NUCB2: variants seen among roughly 807,000 people sequenced by gnomAD.
The protein encoded by NUCB2 is nucleobindin-2.
In NUCB2, 48 loss-of-function variants were observed where a neutral mutation model predicts 57.9. That is an observed-to-expected ratio of 0.83 (90% CI 0.66 to 1.05). NUCB2 has a LOEUF of 1.05. NUCB2 is among the 50% of genes least tolerant of loss of function. The probability of loss-of-function intolerance (pLI) is 0.00; values close to 1 mark genes in which losing one functional copy is unlikely to be tolerated. For missense variants in NUCB2, 442 were observed against 476.2 expected (o/e 0.93, Z 0.67); for synonymous variants, 139 against 152.1 (o/e 0.91, Z 0.64).
intron 11 of NUCB2, among the ~76,000 whole-genome samples, chr11:17,318,924 C>A (rs1198092784): frequency 1.3e-5 from 2 of 152,078 alleles, no homozygotes; most frequent in Non-Finnish European, 2.9e-5. Flanking sequence ...TACCTGTAGG[C>A]CCAGCTACTT....
chr11:17,328,967 C>A (rs763284712), intron 11 of NUCB2, among the ~76,000 whole-genome samples: 1 of 152,140 alleles, frequency 6.6e-6, no homozygotes, highest in Non-Finnish European at 1.5e-5. Context: ...TGGGTCTTGC[C>A]GCTGATTATT....
At position 17,276,855 on chromosome 11, in the gene NUCB2, G is replaced by A. The variant is rs1257136654; in HGVS notation, c.-156+27G>A. On this transcript the variant is annotated intron_variant, in intron 1 of 13. Transcript: ENST00000529010. ...TAAGGCCGGTGGCCGCGCGGTAGGT[G>A]CGGAGCAGCGCGGCGGGAGATTAGG... The A allele has an allele frequency of 2.0e-5, 3 of 152,450 alleles. No homozygotes were observed. The East Asian group carries it at 5.8e-4, about 29-fold the overall frequency. 9.4% of individuals were successfully genotyped at this position (152,450 alleles called of 1,614,324 possible).
intron 11 of NUCB2, among the ~76,000 whole-genome samples, chr11:17,328,681 C>T (rs1408245053): frequency 6.6e-6 from 1 of 152,094 alleles, no homozygotes; most frequent in Non-Finnish European, 1.5e-5. Flanking sequence ...TGCTGCCAGG[C>T]CTTTACCCTT....
In NUCB2 at chr11:17,342,430, G is replaced by T. The variant is rs1309363863; in HGVS notation, n.2626+4896G>T. Among the ~76,000 whole-genome samples, 17 of 151,992 alleles carry T rather than the reference G, an allele frequency of 1.1e-4. No homozygotes were observed. In the East Asian group the frequency reaches 2.7e-3, roughly 24 times the overall value. On this transcript the variant is annotated intron_variant and non_coding_transcript_variant, in intron 2 of 2. Coordinates refer to the NUCB2 transcript ENST00000532240. ...AGGGTGTCAATTTTAGATCTTTCCTGCTTTCTCTTGTGGGCATTTAGTGCT... is the reference window on the plus strand; with the variant it reads ...AGGGTGTCAATTTTAGATCTTTCCTTCTTTCTCTTGTGGGCATTTAGTGCT...
At chr11:17,304,196 A>T (rs976439158) in intron 5 of NUCB2, among the ~76,000 whole-genome samples, 1 of 151,568 alleles carries the variant, frequency 6.6e-6, no homozygotes, top group Non-Finnish European at 1.5e-5. Flanking sequence ...TTTTAATTTT[A>T]ATTTTTTTTT....
chr11:17,292,012 C>A (rs781203662), intron 2 of NUCB2, among the ~76,000 whole-genome samples: 1 of 152,020 alleles, frequency 6.6e-6, no homozygotes, highest in Non-Finnish European at 1.5e-5. Context: ...TGAATACAAG[C>A]AGCTTTTCTT....
At chr11:17,319,593 T>G (rs764303872) in intron 11 of NUCB2, among the ~76,000 whole-genome samples, 3 of 152,198 alleles carry the variant, frequency 2.0e-5, no homozygotes, top group Non-Finnish European at 4.4e-5. Flanking sequence ...CACACATACA[T>G]GCACACATAC....
chr11:17,312,781 G>A (rs190629662), intron 10 of NUCB2, among the ~76,000 whole-genome samples: 8 of 150,760 alleles, frequency 5.3e-5, no homozygotes, highest in Admixed American at 2.6e-4. Context: ...ATCTTGGCTC[G>A]CTGCAACCTC....
In NUCB2 at chr11:17,330,913, G is replaced by T; in HGVS notation, c.1185G>T (p.Gln395His). The change falls in exon 13 of 14, where the codon CAG becomes CAT. Residue 395 changes from glutamine to histidine, a missense_variant. Coordinates refer to ENST00000529010, the MANE Select transcript of NUCB2 (RefSeq NM_005013.4). This position sits in a 1 kb window ranked among gnomAD's most constrained non-coding sequence, Gnocchi z 4.3. ...TTTCCATTCACCAGGTCATACAGCA[G>T]ATGGAACAAAAAAAATTACAACAAG... is the stretch of plus-strand genomic sequence containing the variant. Reference protein sequence around the residue: ...QKLEYHQVIQQMEQKKLQQGI... With the variant: ...QKLEYHQVIQHMEQKKLQQGI... 1.3e-6 allele frequency: 2 copies of T among 1,599,328 alleles called. No homozygotes were observed. The highest frequency in any genetic ancestry group is 2.2e-5 in the South Asian group (2 of 90,506).
intron 2 of NUCB2, among the ~76,000 whole-genome samples, chr11:17,291,691 A>G (rs896513586): frequency 6.6e-6 from 1 of 152,110 alleles, no homozygotes; most frequent in Non-Finnish European, 1.5e-5. Context: ...AAGTCTGACA[A>G]TCTCTAAACC....
chr11:17,292,384 G>A (rs1945086301), intron 2 of NUCB2, among the ~76,000 whole-genome samples: 1 of 152,088 alleles, frequency 6.6e-6, no homozygotes, highest in African/African-American at 2.4e-5. Flanking sequence ...CTGTCTCATT[G>A]TAGGTGAGGT....
chr11:17,308,835 G>A (rs1591421835), intron 5 of NUCB2, among the ~76,000 whole-genome samples: 1 of 152,044 alleles, frequency 6.6e-6, no homozygotes, highest in Non-Finnish European at 1.5e-5. Flanking sequence ...ATCCATTGGA[G>A]CAATATACAA....
At chr11:17,292,322 A>C (rs1349197533) in intron 2 of NUCB2, among the ~76,000 whole-genome samples, 1 of 151,758 alleles carries the variant, frequency 6.6e-6, no homozygotes, top group Admixed American at 6.6e-5. Context: ...CTTTTTTCCC[A>C]CTTTCTATTT....
downstream of NUCB2, chr11:17,333,670 C>G (rs547668941): frequency 6.6e-6 from 1 of 152,300 alleles, no homozygotes; most frequent in African/African-American, 2.4e-5. Context: ...CTGATCTCTT[C>G]CCCTAGGATG....
chr11:17,299,855 G>T (rs1488627821), intron 4 of NUCB2, among the ~76,000 whole-genome samples: 1 of 152,070 alleles, frequency 6.6e-6, no homozygotes, highest in African/African-American at 2.4e-5. Context: ...AGTGAGCCAT[G>T]ATCATGCTAC....
In NUCB2 at chr11:17,332,188, C is replaced by G. The variant is rs754138836; in HGVS notation, c.*769C>G. On this transcript the variant is annotated 3_prime_UTR_variant, in exon 14 of 14. Coordinates refer to ENST00000529010, the MANE Select transcript of NUCB2 (RefSeq NM_005013.4). ...TTTTATCCTCAGATTACCTCACTCTCACTGTTCAAGTTTGCTCCTGGAGGC... is the reference window on the plus strand; with the variant it reads ...TTTTATCCTCAGATTACCTCACTCTGACTGTTCAAGTTTGCTCCTGGAGGC... The G allele has an allele frequency of 1.3e-5, 2 of 152,108 alleles. No homozygotes were observed. Among genetic ancestry groups the G allele is most frequent in the Non-Finnish European group, 2.9e-5 (2 of 68,040 alleles). The allele number at this position is 152,108 out of a possible 1,614,324, so 9.4% of individuals were successfully genotyped here.
chr11:17,332,404 A>G (rs1951486122), downstream of NUCB2: 1 of 151,708 alleles, frequency 6.6e-6, no homozygotes, highest in Admixed American at 6.6e-5. Flanking sequence ...TTCTTTTACT[A>G]AGGAAGAAGG....
At chr11:17,337,002 G>A (rs1475681445), downstream of NUCB2, among the ~76,000 whole-genome samples, 1 of 151,776 alleles carries the variant, frequency 6.6e-6, no homozygotes, top group Admixed American at 6.6e-5. Flanking sequence ...GTACAGTGGT[G>A]CCATCATAAC....
chr11:17,344,833 G>A (rs1952586992), intron 2 of NUCB2, among the ~76,000 whole-genome samples: 1 of 152,168 alleles, frequency 6.6e-6, no homozygotes, highest in African/African-American at 2.4e-5. Context: ...TTCTGCTATG[G>A]CTCTGGTGAC....
Sources: gnomAD v4.1 joint callset for allele counts (sites outside exome capture counted in the v4.1 genomes callset) on GRCh38, gnomAD v4.1.1 for gene constraint, Gnocchi (gnomAD v3.1) non-coding constraint, MANE v1.5 for transcripts, NCBI Gene and HGNC (gene_info 2026-07-23, HGNC 2026-07-21) for gene names.